TNRC6B: variants seen among roughly 807,000 people sequenced by gnomAD.
TNRC6B encodes the protein trinucleotide repeat-containing gene 6B protein.
Under a neutral mutation model 203.6 loss-of-function variants are expected in TNRC6B, and 52 were observed. The ratio of observed to expected loss-of-function variants is 0.26; its 90% CI spans 0.20 to 0.32. TNRC6B has a LOEUF of 0.32. Among genes scored for constraint, TNRC6B ranks in the 10% least tolerant of loss-of-function variants. The pLI is 1.00. For missense variants in TNRC6B, 1,923 were observed against 2,286.2 expected (o/e 0.84, Z 3.24); for synonymous variants, 838 against 845.7 (o/e 0.99, Z 0.16).
intron 3 of TNRC6B, among the ~76,000 whole-genome samples, chr22:40,258,535 A>T (rs2070320902): frequency 6.6e-6 from 1 of 152,186 alleles, no homozygotes; most frequent in African/African-American, 2.4e-5. Flanking sequence ...GCTGAAACAC[A>T]GTTTGCTATG....
At chr22:40,123,750 A>G (rs923058347) in intron 2 of TNRC6B, among the ~76,000 whole-genome samples, 1 of 152,240 alleles carries the variant, frequency 6.6e-6, no homozygotes, top group African/African-American at 2.4e-5. Flanking sequence ...AGCTATGCCT[A>G]TAATGAAACA....
At chr22:40,258,652 A>G (rs1569041270) in intron 3 of TNRC6B, among the ~76,000 whole-genome samples, 2 of 152,064 alleles carry the variant, frequency 1.3e-5, no homozygotes, top group Non-Finnish European at 2.9e-5. Context: ...TTGAATGACT[A>G]ATCTCCTGGG....
chr22:40,159,003 C>T (rs1361413829), intron 4 of TNRC6B, among the ~76,000 whole-genome samples: 1 of 151,750 alleles, frequency 6.6e-6, no homozygotes, highest in East Asian at 1.9e-4. Flanking sequence ...CGCTCTGTCG[C>T]CCAGGCTGGA....
intron 12 of TNRC6B, among the ~76,000 whole-genome samples, chr22:40,291,126 C>T (rs1046352407): frequency 3.9e-5 from 6 of 152,174 alleles, no homozygotes; most frequent in Admixed American, 2.6e-4. Flanking sequence ...TGGTTTACTC[C>T]TATAATCCCA....
intron 1 of TNRC6B, among the ~76,000 whole-genome samples, chr22:40,224,853 C>T (rs369475851): frequency 2.6e-5 from 4 of 152,180 alleles, no homozygotes; most frequent in South Asian, 2.1e-4. Context: ...CTCCGGGCGC[C>T]GTGTGCCTCA....
At chr22:40,045,360 C>T (rs1340774876) in intron 1 of TNRC6B, 3 of 148,538 alleles carry the variant, frequency 2.0e-5, no homozygotes, top group Admixed American at 2.0e-4. Flanking sequence ...GCGCGCGCGG[C>T]TCCGGGCGTC....
intron 3 of TNRC6B, among the ~76,000 whole-genome samples, chr22:40,256,917 A>G (rs1199963535): frequency 1.3e-5 from 2 of 152,216 alleles, no homozygotes; most frequent in African/African-American, 4.8e-5. Context: ...AACAAAGATC[A>G]CTAGTGACTT....
At chr22:40,236,083 A>T (rs2069943744) in intron 1 of TNRC6B, among the ~76,000 whole-genome samples, 3 of 152,200 alleles carry the variant, frequency 2.0e-5, no homozygotes, top group Admixed American at 1.3e-4. Context: ...CAATGTCGCA[A>T]CCCAGATTTT....
At chr22:40,059,340 T>C (rs537042976) in intron 1 of TNRC6B, among the ~76,000 whole-genome samples, 8 of 152,374 alleles carry the variant, frequency 5.3e-5, no homozygotes, top group African/African-American at 7.2e-5. Context: ...ACTTTGCTAA[T>C]TGCATTCATT....
intron 22 of TNRC6B, 30 bp downstream of exon 22, chr22:40,321,259 C>G (rs373703403): frequency 1.2e-6 from 2 of 1,607,034 alleles, no homozygotes; most frequent in Middle Eastern, 1.7e-4. Flanking sequence ...CCCACGTAGA[C>G]AAACATGCAT....
chr22:40,125,793 A>G, exon 3 of TNRC6B: 9 of 1,606,304 alleles, frequency 5.6e-6, no homozygotes, highest in Non-Finnish European at 7.6e-6. Flanking sequence ...GTGTTTCTGC[A>G]GAGTTTTGCA....
intron 16 of TNRC6B, among the ~76,000 whole-genome samples, chr22:40,309,573 ATAATC>A (rs1304639872): frequency 1.3e-5 from 2 of 152,240 alleles, no homozygotes; most frequent in African/African-American, 2.4e-5. Context: ...TGTGGACTGA[ATAATC>A]TAAGCCCACT....
At chr22:40,108,427 A>G (rs556466183) in intron 1 of TNRC6B, among the ~76,000 whole-genome samples, 1 of 152,254 alleles carries the variant, frequency 6.6e-6, no homozygotes, top group South Asian at 2.1e-4. Flanking sequence ...GGAGCCACAC[A>G]TTTCCTTCTT....
intron 1 of TNRC6B, among the ~76,000 whole-genome samples, chr22:40,185,934 A>G (rs2069196140): frequency 1.3e-5 from 2 of 152,216 alleles, no homozygotes; most frequent in African/African-American, 4.8e-5. Flanking sequence ...AAGATGACGC[A>G]TTCCAGGTCA....
chr22:40,088,582 TTTTGTG>T (rs2068120394), intron 1 of TNRC6B, among the ~76,000 whole-genome samples: 2 of 79,370 alleles, frequency 2.5e-5, no homozygotes, highest in African/African-American at 9.0e-5. Flanking sequence ...CGGCGGCTAC[TTTTGTG>T]TGTGTGTGTG....
chr22:40,222,743 T>C (rs1371796709), intron 1 of TNRC6B, among the ~76,000 whole-genome samples: 3 of 114,558 alleles, frequency 2.6e-5, no homozygotes, highest in South Asian at 6.3e-4. Context: ...TTTTTTTTTT[T>C]TTTTTTTTTT....
chr22:40,334,547 A>C lies in TNRC6B; in HGVS notation c.*11306A>C, dbSNP rs551230829. Reference sequence around the variant, plus strand: ...AACCAAAAAACAGACAACAAAAGCAACCTGAGGAGAGGTTTCTGGACTATT... The same window carrying C: ...AACCAAAAAACAGACAACAAAAGCACCCTGAGGAGAGGTTTCTGGACTATT... On this transcript the variant is annotated 3_prime_UTR_variant, in exon 23 of 23. Transcript: ENST00000454349. The C allele has an allele frequency of 6.6e-6, 1 of 152,560 alleles. No individual in the cohort carries two copies. Among genetic ancestry groups the C allele is most frequent in the African/African-American group, 2.4e-5 (1 of 41,502 alleles). The allele number at this position is 152,560 out of a possible 1,614,324, so 9.5% of individuals were successfully genotyped here.
At chr22:40,136,109 G>A (rs1476028169) in intron 3 of TNRC6B, among the ~76,000 whole-genome samples, 1 of 152,112 alleles carries the variant, frequency 6.6e-6, no homozygotes, top group Non-Finnish European at 1.5e-5. Context: ...CAGACCTGAT[G>A]TAATCTTTCT....
intron 1 of TNRC6B, among the ~76,000 whole-genome samples, chr22:40,061,168 A>G (rs2067847201): frequency 6.6e-6 from 1 of 152,136 alleles, no homozygotes; most frequent in African/African-American, 2.4e-5. Flanking sequence ...CTATCTAGGT[A>G]AATATTATTT....
Sources: allele counts gnomAD v4.1 joint callset (sites outside exome capture counted in the v4.1 genomes callset), GRCh38; gene constraint gnomAD v4.1.1; transcripts MANE v1.5; gene names NCBI Gene and HGNC (gene_info 2026-07-23, HGNC 2026-07-21).